MYOM3: variants seen among roughly 807,000 people sequenced by gnomAD.
MYOM3 encodes the protein myomesin-3.
MYOM3 carries 155 observed loss-of-function variants against 191.7 expected under a neutral mutation model. The ratio of observed to expected loss-of-function variants is 0.81; its 90% CI spans 0.71 to 0.92. The LOEUF is 0.92. MYOM3 is among the 40% of genes least tolerant of loss of function. The pLI, the probability that MYOM3 is intolerant of heterozygous loss-of-function variation, is 0.00. For missense variants in MYOM3, 1,889 were observed against 1,890.6 expected, an observed-to-expected ratio of 1.00 and a Z score of 0.02; for synonymous variants, 757 against 762.9, an observed-to-expected ratio of 0.99 and a Z score of 0.13.
intron 10 of MYOM3, 104 bp from the exon 11 acceptor site, chr1:24,092,419 G>T (rs1643850631): frequency 2.8e-6 from 3 of 1,057,442 alleles, no homozygotes; most frequent in African/African-American, 3.3e-5. Context: ...TCCTCCAGGG[G>T]CTCAGTTTTG....
intron 27 of MYOM3, among the ~76,000 whole-genome samples, chr1:24,067,428 TTC>T (rs1491021650): frequency 3.2e-5 from 4 of 126,010 alleles, no homozygotes; most frequent in Non-Finnish European, 6.6e-5. Context: ...CCTTCCTTCC[TTC>T]CTTCCTTCCT....
intron 29 of MYOM3, 96 bp from the exon 30 acceptor site, chr1:24,064,255 A>T: frequency 1.1e-6 from 1 of 883,370 alleles, no homozygotes; most frequent in Non-Finnish European, 1.8e-6. Flanking sequence ...CCTGCCCCTC[A>T]CTCTCTGTGT....
chr1:24,084,459 C>A lies in MYOM3; in HGVS notation c.1970+9G>T. 6.2e-7 allele frequency: 1 copy of A among 1,614,070 alleles called. No individual in the cohort carries two copies. Among genetic ancestry groups the A allele is most frequent in the Non-Finnish European group, 8.5e-7 (1 of 1,179,962 alleles). On this transcript the variant is annotated intron_variant, in intron 16 of 36. Transcript: ENST00000374434. ...GTGAGAACAGACTGATACGGGTGGG[C>A]AGACGTACCTGGTGCCTTGGATGGG...
Position 24,084,813 on chromosome 1 carries a change from C to T in MYOM3, c.1799-174G>A, listed in dbSNP as rs1557609986. ...CTCTTCCCTAGGCCCAGAAGTGTAT[C>T]CTAAAAGTCCTCTCTCCCCTTACCT... On this transcript the variant is annotated intron_variant, in intron 15 of 36. Transcript: ENST00000374434. 2.0e-5 allele frequency among the ~76,000 whole-genome samples: 3 copies of T among 152,108 alleles called. No individual in the cohort carries two copies. The South Asian group carries it at 6.2e-4, about 32-fold the overall frequency.
In MYOM3 at chr1:24,082,022, G is replaced by A. The variant is rs549344382; in HGVS notation, c.2259C>T (p.Pro753=). 1.2e-5 allele frequency: 20 copies of A among 1,611,198 alleles called. No individual in the cohort carries two copies. In the African/African-American group the frequency reaches 2.5e-4, roughly 20 times the overall value. The change falls in exon 18 of 37, where the codon CCC becomes CCT. Residue 753 remains proline, a synonymous_variant. Coordinates refer to ENST00000374434, the MANE Select transcript of MYOM3 (RefSeq NM_152372.4). ...ELDWHAVNQQ[P]IPTRVCKVSD... Reference sequence around the variant, plus strand: ...CTACCTTGCAGACCCGGGTGGGGATGGGCTGCTGATTGACCGCATGCCAGT... The same window carrying A: ...CTACCTTGCAGACCCGGGTGGGGATAGGCTGCTGATTGACCGCATGCCAGT...
At position 24,075,401 on chromosome 1, in the gene MYOM3, CG is replaced by C. The variant is rs767050271; in HGVS notation, c.2775del (p.Asp926ThrfsTer33). 6.2e-7 allele frequency: 1 copy of C among 1,612,278 alleles called. No individual in the cohort carries two copies. Among genetic ancestry groups the C allele is most frequent in the Non-Finnish European group, 8.5e-7 (1 of 1,179,464 alleles). On this transcript the variant is annotated frameshift_variant, in exon 22 of 37. Coordinates refer to ENST00000374434, the MANE Select transcript of MYOM3 (RefSeq NM_152372.4). LOFTEE classifies it high-confidence loss of function. ...TTGGACCACTGAAACTCTGAGGAGT[CG>C]GGGGCTTCAGGGGCTTCAAAAGCCA... ...IYLAFEAPEA[P>X]DSSEFQWSKD...
chr1:24,095,540 T>C lies in MYOM3; in HGVS notation c.746-54A>G, dbSNP rs746949293. ...AGAAGGTTCAGAGCCCACATTCCTA[T>C]GCTATTTTGGGGACATGGGCTTTGG... On this transcript the variant is annotated intron_variant, in intron 7 of 36. Coordinates refer to ENST00000374434, the MANE Select transcript of MYOM3 (RefSeq NM_152372.4). The C allele has an allele frequency of 1.5e-5, 23 of 1,540,118 alleles. 1 individual carries two copies. In the South Asian group the frequency reaches 2.6e-4, roughly 18 times the overall value.
At chr1:24,105,675 C>T (rs1010527798) in intron 5 of MYOM3, among the ~76,000 whole-genome samples, 2 of 152,204 alleles carry the variant, frequency 1.3e-5, no homozygotes, top group African/African-American at 2.4e-5. Context: ...GGGAGGATCA[C>T]TTGAGCCCAG....
At chr1:24,089,314 ACAG>A (rs1390500670) in intron 14 of MYOM3, among the ~76,000 whole-genome samples, 3 of 152,332 alleles carry the variant, frequency 2.0e-5, no homozygotes, top group African/African-American at 7.2e-5. Context: ...ATTTCCACGA[ACAG>A]CCTCAGGAAC....
Position 24,089,694 on chromosome 1 carries a change from T to C in MYOM3, c.1487-29A>G, listed in dbSNP as rs767668885. ...AAATCAGAGTCACCCGGGACCGAGATGGTTGGACCCTCAGAGACCCCCTAA... is the reference window on the plus strand; with the variant it reads ...AAATCAGAGTCACCCGGGACCGAGACGGTTGGACCCTCAGAGACCCCCTAA... On this transcript the variant is annotated intron_variant, in intron 13 of 36. Transcript: ENST00000374434. 2.6e-5 allele frequency: 40 copies of C among 1,551,434 alleles called. No individual in the cohort carries two copies. In the Middle Eastern group the frequency reaches 5.0e-4, roughly 19 times the overall value.
Position 24,107,182 on chromosome 1 carries a change from C to T in MYOM3, c.293G>A (p.Gly98Glu), listed in dbSNP as rs1410864219. Reference sequence around the variant, plus strand: ...ATTGCCGAAGCCCACCCGCTTCTGCCCTCGCTCCTCCAGCTCCACGGCAGA... The same window carrying T: ...ATTGCCGAAGCCCACCCGCTTCTGCTCTCGCTCCTCCAGCTCCACGGCAGA... ...QTSAVELEER[G>E]QKRVGFGNDW... The change falls in exon 4 of 37, where the codon GGG (glycine) becomes GAG (glutamate). Residue 98 changes from glycine to glutamate, a missense_variant. Physicochemically the swap from Gly to Glu is moderately conservative, Grantham distance 98. Coordinates refer to ENST00000374434, the MANE Select transcript of MYOM3 (RefSeq NM_152372.4). 5 of 1,609,714 alleles carry T rather than the reference C, an allele frequency of 3.1e-6. No individual in the cohort carries two copies. The highest frequency in any genetic ancestry group is 4.2e-6 in the Non-Finnish European group (5 of 1,178,152).
At chr1:24,068,516 TC>T (rs1643482864) in intron 25 of MYOM3, 149 bp from the exon 26 acceptor site, 2 of 813,322 alleles carry the variant, frequency 2.5e-6, no homozygotes, top group East Asian at 2.5e-5. Context: ...CCTCTGCTGC[TC>T]CCCCCACACC....
At chr1:24,110,024 C>T (rs553001203) in intron 1 of MYOM3, among the ~76,000 whole-genome samples, 6 of 152,304 alleles carry the variant, frequency 3.9e-5, no homozygotes, top group Non-Finnish European at 8.8e-5. Context: ...GAGAGGCAAA[C>T]GAGGGGTGTG....
intron 16 of MYOM3, 145 bp from the exon 17 acceptor site, chr1:24,082,859 T>TG: frequency 6.0e-6 from 6 of 1,006,852 alleles, no homozygotes; most frequent in Non-Finnish European, 8.2e-6. Context: ...AATATTGCCC[T>TG]TGATCCCATG....
chr1:24,103,893 G>T (rs1045179583), intron 5 of MYOM3, among the ~76,000 whole-genome samples: 1 of 150,580 alleles, frequency 6.6e-6, no homozygotes, highest in Non-Finnish European at 1.5e-5. Flanking sequence ...TAATCCGACT[G>T]GGTTGGTGCA....
rs549183004 is a variant in MYOM3, at chr1:24,082,552, G to A, written c.2092+41C>T. The A allele has an allele frequency of 1.6e-4, 240 of 1,538,298 alleles. 3 individuals are homozygous for A. In the South Asian group the frequency reaches 2.3e-3, roughly 15 times the overall value. On this transcript the variant is annotated intron_variant, in intron 17 of 36. Coordinates refer to ENST00000374434, the MANE Select transcript of MYOM3 (RefSeq NM_152372.4). ...TCTATGAGCCCCAGCTCCCTGCCCA[G>A]CCCAGGGAGGTTTGCAGGCTGGACC...
In MYOM3 at chr1:24,084,633, AG is replaced by A; in HGVS notation, c.1804del (p.Leu602SerfsTer19). On this transcript the variant is annotated frameshift_variant, in exon 16 of 37. Transcript: ENST00000374434. LOFTEE classifies it high-confidence loss of function. ...AGCTTGAACTTGAGCTGGAGGAGGG[AG>A]GGTAGCTAAAAAATAGAAACATGGG... ...PIALRGPPAT[L>X]PPPAQVQAFR... 6.2e-7 allele frequency: 1 copy of A among 1,610,028 alleles called. No homozygotes were observed. Among genetic ancestry groups the A allele is most frequent in the Non-Finnish European group, 8.5e-7 (1 of 1,178,168 alleles).
chr1:24,069,703 G>A (rs559099964), intron 25 of MYOM3, among the ~76,000 whole-genome samples: 12 of 151,206 alleles, frequency 7.9e-5, no homozygotes, highest in African/African-American at 2.7e-4. Flanking sequence ...TCTGTCTCCC[G>A]GGTTCAAGCG....
chr1:24,062,070 G>T lies in MYOM3; in HGVS notation c.3810C>A (p.Gly1270=), dbSNP rs769025010. ...RLESGDRIRT[G]TTLDEIWLHI... ...GAAGCCAGATCTCATCCAGGGTGGT[G>T]CCCGTCCTTATCCGATCACCACTCT... The change falls in exon 33 of 37, where the codon GGC becomes GGA. Residue 1270 remains glycine (G), a synonymous_variant. Coordinates refer to ENST00000374434, the MANE Select transcript of MYOM3 (RefSeq NM_152372.4). 1 of 1,614,040 alleles carries T rather than the reference G, an allele frequency of 6.2e-7. No homozygotes were observed. The highest frequency in any genetic ancestry group is 1.7e-5 in the Admixed American group (1 of 59,998).
Sources: gnomAD v4.1 joint callset for allele counts (sites outside exome capture counted in the v4.1 genomes callset) on GRCh38, gnomAD v4.1.1 for gene constraint, MANE v1.5 for transcripts, NCBI Gene and HGNC (gene_info 2026-07-23, HGNC 2026-07-21) for gene names.